Variants in PDCD1LG2 observed in about 807,000 individuals in gnomAD.
The protein encoded by PDCD1LG2 is B7 dendritic cell molecule.
A neutral mutation model predicts 28.2 loss-of-function variants in PDCD1LG2; 32 were observed. The ratio of observed to expected loss-of-function variants is 1.13; its 90% CI spans 0.86 to 1.52. PDCD1LG2 has a LOEUF of 1.52. Ranked by LOEUF, PDCD1LG2 falls within the 40% of genes most tolerant of loss-of-function variation. The pLI is 0.00. For synonymous variants in PDCD1LG2, 116 were observed against 120.2 expected, an observed-to-expected ratio of 0.97 and a Z score of 0.23; for missense variants, 385 against 323.8, an observed-to-expected ratio of 1.19 and a Z score of -1.45.
rs2274917 is a variant in PDCD1LG2 at position 5,534,727 on chromosome 9, A to G, written c.56-18A>G. On this transcript the variant is annotated intron_variant, in intron 2 of 6. Transcript: ENST00000397747. ...AAGTAAAGGCAGACAATGACAAAAT[A>G]TCTTGTTTTCTTTTCAGCTTTATTC... 357 of 1,572,552 alleles carry G rather than the reference A, an allele frequency of 2.3e-4. 1 individual carries two copies. In the East Asian group the frequency reaches 8.0e-3, roughly 35 times the overall value.
chr9:5,523,491 A>C (rs1039332446), intron 2 of PDCD1LG2, among the ~76,000 whole-genome samples: 2 of 152,166 alleles, frequency 1.3e-5, no homozygotes, highest in African/African-American at 4.8e-5. Flanking sequence ...CTCTTCACCC[A>C]GTCACATTCC....
chr9:5,553,125 G>T (rs1816370178), intron 4 of PDCD1LG2, among the ~76,000 whole-genome samples: 1 of 152,080 alleles, frequency 6.6e-6, no homozygotes, highest in Non-Finnish European at 1.5e-5. Flanking sequence ...AAAAGAAAAG[G>T]AAAGGGGAGA....
intron 1 of PDCD1LG2, among the ~76,000 whole-genome samples, chr9:5,516,967 C>T (rs1820178710): frequency 6.6e-6 from 1 of 152,332 alleles, no homozygotes; most frequent in African/African-American, 2.4e-5. Flanking sequence ...GTTCCCACCC[C>T]GCCAACTCAG....
chr9:5,552,478 G>T (rs1389334329), intron 4 of PDCD1LG2, among the ~76,000 whole-genome samples: 1 of 152,240 alleles, frequency 6.6e-6, no homozygotes, highest in East Asian at 1.9e-4. Flanking sequence ...GGTGAGAGGG[G>T]CCAACCTGCA....
intron 6 of PDCD1LG2, among the ~76,000 whole-genome samples, chr9:5,568,339 A>G (rs2129968460): frequency 6.6e-6 from 1 of 152,230 alleles, no homozygotes; most frequent in East Asian, 1.9e-4. Flanking sequence ...CCTGAGCTCT[A>G]CCTCCTGTGA....
In PDCD1LG2 at chr9:5,570,985, C is replaced by G. The variant is rs1816758527; in HGVS notation, c.*1026C>G. The stretch of plus-strand genomic sequence containing the variant: ...AAGGGTAACTCGGCTACAGTAACAG[C>G]TTAATTTTGTTAAATTTGTTCTTTA... On this transcript the variant is annotated 3_prime_UTR_variant, in exon 7 of 7. Coordinates refer to ENST00000397747, the MANE Select transcript of PDCD1LG2 (RefSeq NM_025239.4). The G allele has an allele frequency of 4.3e-6, 1 of 232,634 alleles. No homozygotes were observed. The highest frequency in any genetic ancestry group is 2.2e-5 in the African/African-American group (1 of 45,328). The allele number at this position is 232,634 out of a possible 1,614,324, so 14.4% of individuals were successfully genotyped here. A position where few individuals can be genotyped will look rare whatever the true frequency, so the allele number is the denominator to read the frequency against.
chr9:5,560,256 A>G (rs1172937303), intron 5 of PDCD1LG2, among the ~76,000 whole-genome samples: 5 of 152,220 alleles, frequency 3.3e-5, no homozygotes, highest in African/African-American at 9.6e-5. Flanking sequence ...CAAGAAGTTC[A>G]GTGTCTCCCT....
At position 5,570,121 on chromosome 9, in the gene PDCD1LG2, C is replaced by A; in HGVS notation, c.*162C>A. 1.1e-6 allele frequency: 1 copy of A among 886,250 alleles called. No homozygotes were observed. The highest frequency in any genetic ancestry group is 1.8e-6 in the Non-Finnish European group (1 of 543,428). 54.9% of individuals were successfully genotyped at this position (886,250 alleles called of 1,614,324 possible). A position where few individuals can be genotyped will look rare whatever the true frequency, so the allele number is the denominator to read the frequency against. ...TGAAACCTGCAACAAGACTAGCCAA[C>A]ACCTGGCCATGAAACTTGCCCCTTC... On this transcript the variant is annotated 3_prime_UTR_variant, in exon 7 of 7. Coordinates refer to ENST00000397747, the MANE Select transcript of PDCD1LG2 (RefSeq NM_025239.4).
At chr9:5,555,007 T>TA (rs56809272) in intron 4 of PDCD1LG2, among the ~76,000 whole-genome samples, 85 of 151,516 alleles carry the variant, frequency 5.6e-4, no homozygotes, top group African/African-American at 7.7e-4. Context: ...GTGCAAACAG[T>TA]AAAAAAAAAT....
intron 4 of PDCD1LG2, among the ~76,000 whole-genome samples, chr9:5,555,169 C>T (rs1040092425): frequency 3.3e-5 from 5 of 152,238 alleles, no homozygotes; most frequent in Admixed American, 1.3e-4. Context: ...AATCCTAGCA[C>T]TTTGGGAGGC....
chr9:5,522,787 C>A (rs1488321444), intron 2 of PDCD1LG2, among the ~76,000 whole-genome samples, 186 bp downstream of exon 2: 1 of 152,092 alleles, frequency 6.6e-6, no homozygotes, highest in Non-Finnish European at 1.5e-5. Context: ...GCCAATGTCC[C>A]TATCTGACAG....
chr9:5,527,902 T>C (rs1490487533), intron 2 of PDCD1LG2, among the ~76,000 whole-genome samples: 1 of 152,058 alleles, frequency 6.6e-6, no homozygotes, highest in Non-Finnish European at 1.5e-5. Context: ...GATCTTGGCT[T>C]ACTGCAACCT....
chr9:5,517,194 GTTGGAGTGCTC>G (rs1314732686), intron 1 of PDCD1LG2, among the ~76,000 whole-genome samples: 1 of 152,240 alleles, frequency 6.6e-6, no homozygotes, highest in Non-Finnish European at 1.5e-5. Context: ...CTGGGGTAGG[GTTGGAGTGCTC>G]TTGCAATTTT....
intron 2 of PDCD1LG2, among the ~76,000 whole-genome samples, chr9:5,528,348 T>C (rs564453984): frequency 1.3e-5 from 2 of 151,150 alleles, no homozygotes. Flanking sequence ...GTTGCCCAGA[T>C]TGGAATACAG....
chr9:5,566,456 T>A (rs369898438), intron 6 of PDCD1LG2, among the ~76,000 whole-genome samples: 4 of 152,230 alleles, frequency 2.6e-5, no homozygotes, highest in African/African-American at 9.6e-5. Context: ...CAATTAAATG[T>A]AAGCATAAGT....
chr9:5,522,990 G>A (rs1245884104), intron 2 of PDCD1LG2, among the ~76,000 whole-genome samples: 1 of 152,148 alleles, frequency 6.6e-6, no homozygotes, highest in Non-Finnish European at 1.5e-5. Context: ...AATGGCCAGG[G>A]AACACCGTTA....
intron 5 of PDCD1LG2, among the ~76,000 whole-genome samples, chr9:5,559,776 T>C (rs1352611252): frequency 6.6e-6 from 1 of 152,212 alleles, no homozygotes; most frequent in African/African-American, 2.4e-5. Flanking sequence ...TGTCCAGACC[T>C]TCTCCATGGC....
intron 3 of PDCD1LG2, among the ~76,000 whole-genome samples, chr9:5,541,527 G>T (rs1005891588): frequency 6.6e-6 from 1 of 152,038 alleles, no homozygotes; most frequent in Non-Finnish European, 1.5e-5. Flanking sequence ...CAAAATTAAT[G>T]TACACAAATC....
chr9:5,539,172 G>C (rs1021195561), intron 3 of PDCD1LG2, among the ~76,000 whole-genome samples: 1 of 152,044 alleles, frequency 6.6e-6, no homozygotes, highest in African/African-American at 2.4e-5. Flanking sequence ...TGTTTTTCCA[G>C]TATAGAAACT....
Sources: allele counts gnomAD v4.1 joint callset (sites outside exome capture counted in the v4.1 genomes callset), GRCh38; gene constraint gnomAD v4.1.1; transcripts MANE v1.5; gene names NCBI Gene and HGNC (gene_info 2026-07-23, HGNC 2026-07-21).